PCDHGB3: variants seen among roughly 807,000 people sequenced by gnomAD.
PCDHGB3 encodes protocadherin gamma-B3.
A neutral mutation model predicts 59.2 loss-of-function variants in PCDHGB3; 40 were observed. The ratio of observed to expected loss-of-function variants is 0.68; its 90% CI spans 0.52 to 0.88. The LOEUF (loss-of-function observed/expected upper bound fraction) is 0.88. Among genes scored for constraint, PCDHGB3 ranks in the 40% least tolerant of loss-of-function variants. The probability of loss-of-function intolerance (pLI) is 0.00; values close to 1 mark genes in which losing one functional copy is unlikely to be tolerated. For synonymous variants in PCDHGB3, 581 were observed against 503.6 expected (o/e 1.15, Z -2.06); for missense variants, 1,309 against 1,187.9 (o/e 1.10, Z -1.50).
At chr5:141,379,890 T>TTTTTTTTTTTTTTTTTTTTTTG (rs1776022019) in intron 1 of PCDHGB3, among the ~76,000 whole-genome samples, 1 of 25,360 alleles carries the variant, frequency 3.9e-5, no homozygotes, top group Non-Finnish European at 6.4e-5. Context: ...TGAAAGCCTC[T>TTTTTTTTTTTTTTTTTTTTTTG]TTTTTTTTTT....
chr5:141,394,795 C>T (rs543209610), intron 1 of PCDHGB3: 1 of 1,613,676 alleles, frequency 6.2e-7, no homozygotes, highest in Non-Finnish European at 8.5e-7. Context: ...GTCACGCTCA[C>T]CGTAGCCGTG....
At chr5:141,465,241 G>C (rs2099099198) in intron 1 of PCDHGB3, among the ~76,000 whole-genome samples, 1 of 151,964 alleles carries the variant, frequency 6.6e-6, no homozygotes, top group South Asian at 2.1e-4. Flanking sequence ...CAAGTTCAAG[G>C]CACTTTTGTA....
intron 1 of PCDHGB3, chr5:141,422,001 C>T (rs2096616874): frequency 6.2e-7 from 1 of 1,609,114 alleles, no homozygotes; most frequent in Non-Finnish European, 8.5e-7. Context: ...ACATCAGCTC[C>T]GGAACTCGGG....
Position 141,456,380 on chromosome 5 carries a change from C to T in PCDHGB3, c.2416-38427C>T, listed in dbSNP as rs186993611. ...CCATGTGTGGTTCAGTTTACAGCAC[C>T]GTTTGGAGTTTGATTGCTTCTAGGC... is the stretch of plus-strand genomic sequence containing the variant. On this transcript the variant is annotated intron_variant, in intron 1 of 3. Coordinates refer to ENST00000576222, the MANE Select transcript of PCDHGB3 (RefSeq NM_018924.5). Among the ~76,000 whole-genome samples, 427 of 152,082 alleles carry T rather than the reference C, an allele frequency of 2.8e-3. 1 individual carries two copies. Among genetic ancestry groups the T allele is most frequent in the Non-Finnish European group, 2.7e-3 (184 of 68,004 alleles).
In PCDHGB3 at chr5:141,407,982, G is replaced by C. The variant is rs976187867; in HGVS notation, c.2415+35173G>C. On this transcript the variant is annotated intron_variant, in intron 1 of 3. Coordinates refer to ENST00000576222, the MANE Select transcript of PCDHGB3 (RefSeq NM_018924.5). Reference sequence around the variant, plus strand: ...GAGCAAGCGCTGACGCCGGGGATCCGTCAGCCTCTGGCCTGGGATTCCCTG... The same window carrying C: ...GAGCAAGCGCTGACGCCGGGGATCCCTCAGCCTCTGGCCTGGGATTCCCTG... 1.5e-4 allele frequency: 114 copies of C among 783,006 alleles called. 1 individual carries two copies. Among genetic ancestry groups the C allele is most frequent in the African/African-American group, 9.1e-4 (52 of 57,436 alleles). The allele number at this position is 783,006 out of a possible 1,614,324, so 48.5% of individuals were successfully genotyped here.
intron 1 of PCDHGB3, chr5:141,420,098 A>G: frequency 6.2e-7 from 1 of 1,614,034 alleles, no homozygotes; most frequent in African/African-American, 1.3e-5. Flanking sequence ...CAGTGAGGGA[A>G]CGTTGCCCTA....
intron 1 of PCDHGB3, chr5:141,441,477 C>T (rs529495102): frequency 1.2e-4 from 20 of 170,782 alleles, no homozygotes; most frequent in Middle Eastern, 5.7e-4. Context: ...ATGCCAACGA[C>T]AATGCTCTGG....
rs540188136 is a variant in PCDHGB3 at position 141,375,695 on chromosome 5, G to T, written c.2415+2886G>T. Reference sequence around the variant, plus strand: ...GCTGTGGGTGACAGCCAGCGACAGCGGGGACCCGCCTCTTAGCAGCAACGT... The same window carrying T: ...GCTGTGGGTGACAGCCAGCGACAGCTGGGACCCGCCTCTTAGCAGCAACGT... On this transcript the variant is annotated intron_variant, in intron 1 of 3. Coordinates refer to ENST00000576222, the MANE Select transcript of PCDHGB3 (RefSeq NM_018924.5). 1.5e-5 allele frequency: 25 copies of T among 1,614,250 alleles called. No individual in the cohort carries two copies. In the African/African-American group the frequency reaches 2.9e-4, roughly 19 times the overall value.
At position 141,371,124 on chromosome 5, in the gene PCDHGB3, C is replaced by G; in HGVS notation, c.730C>G (p.Gln244Glu). The change falls in exon 1 of 4, where the codon CAG (glutamine) becomes GAG (glutamate). Residue 244 changes from glutamine to glutamate, a missense_variant. By Grantham distance (29) the Gln-to-Glu change is conservative. Transcript: ENST00000576222. ...DANDNPPVFT[Q>E]DMYRVNVAEN... is the part of the protein sequence containing the mutation. ...AAATGATAACCCCCCAGTATTTACTCAGGACATGTACAGGGTCAATGTTGC... is the reference window on the plus strand; with the variant it reads ...AAATGATAACCCCCCAGTATTTACTGAGGACATGTACAGGGTCAATGTTGC... 6.2e-7 allele frequency: 1 copy of G among 1,613,998 alleles called. No individual in the cohort carries two copies. The highest frequency in any genetic ancestry group is 8.5e-7 in the Non-Finnish European group (1 of 1,179,886).
At chr5:141,422,729 C>G (rs1352451042) in intron 1 of PCDHGB3, 1 of 1,606,960 alleles carries the variant, frequency 6.2e-7, no homozygotes, top group South Asian at 1.1e-5. Flanking sequence ...CAGGGGGTGC[C>G]TCTGTCCTCC....
rs770354956 is a variant in PCDHGB3, at chr5:141,399,731, C to T, written c.2415+26922C>T. Reference sequence around the variant, plus strand: ...ACACTACAGGCCCGCGACCAGGGCTCGCCTGCGCTCAGCGCAAACGTGAGC... The same window carrying T: ...ACACTACAGGCCCGCGACCAGGGCTTGCCTGCGCTCAGCGCAAACGTGAGC... On this transcript the variant is annotated intron_variant, in intron 1 of 3. Transcript: ENST00000576222. 229 of 1,613,292 alleles carry T rather than the reference C, an allele frequency of 1.4e-4. No homozygotes were observed. The highest frequency in any genetic ancestry group is 1.8e-4 in the Non-Finnish European group (217 of 1,179,878).
At chr5:141,457,448 A>G (rs1296079061) in intron 1 of PCDHGB3, among the ~76,000 whole-genome samples, 2 of 152,196 alleles carry the variant, frequency 1.3e-5, no homozygotes, top group Non-Finnish European at 2.9e-5. Flanking sequence ...GCAGAAGATC[A>G]CCACTTGATT....
At chr5:141,458,459 A>G (rs1232004043) in intron 1 of PCDHGB3, among the ~76,000 whole-genome samples, 1 of 152,006 alleles carries the variant, frequency 6.6e-6, no homozygotes, top group African/African-American at 2.4e-5. Flanking sequence ...AATTTTTAAA[A>G]TACCGTACAA....
chr5:141,382,985 G>A (rs769787880), intron 1 of PCDHGB3: 50 of 1,613,304 alleles, frequency 3.1e-5, no homozygotes, highest in Non-Finnish European at 4.2e-5. Flanking sequence ...GCCTGGGCAG[G>A]ACGTATTCTC....
rs1342473418 is a variant in PCDHGB3, at chr5:141,477,702, A to G, written c.2416-17105A>G. On this transcript the variant is annotated intron_variant, in intron 1 of 3. Transcript: ENST00000576222. The surrounding 1 kb of genome is among the most constrained non-coding windows in gnomAD (Gnocchi z 4.9). Reference sequence around the variant, plus strand: ...TCCTTAGTGCCCCTAGACTATGAGGATCGGCGGGAATTTGAATTAACAGCT... The same window carrying G: ...TCCTTAGTGCCCCTAGACTATGAGGGTCGGCGGGAATTTGAATTAACAGCT... The G allele has an allele frequency of 1.9e-6, 3 of 1,613,924 alleles. No individual in the cohort carries two copies. Among genetic ancestry groups the G allele is most frequent in the Non-Finnish European group, 2.5e-6 (3 of 1,180,044 alleles).
At chr5:141,458,403 C>T (rs1057108239) in intron 1 of PCDHGB3, among the ~76,000 whole-genome samples, 6 of 152,136 alleles carry the variant, frequency 3.9e-5, no homozygotes, top group African/African-American at 1.2e-4. Context: ...CTTGCAGAGA[C>T]GGAGCGGGGG....
At chr5:141,470,173 A>G (rs527296791) in intron 1 of PCDHGB3, among the ~76,000 whole-genome samples, 1 of 152,342 alleles carries the variant, frequency 6.6e-6, no homozygotes, top group South Asian at 2.1e-4. Context: ...AAGTATGCAA[A>G]ATATTCAAGT....
intron 1 of PCDHGB3, chr5:141,393,894 C>T (rs201697840): frequency 6.2e-7 from 1 of 1,614,000 alleles, no homozygotes. Flanking sequence ...AGAAAATTCT[C>T]TTCCCGGGAC....
At chr5:141,374,332 C>T (rs759827582) in intron 1 of PCDHGB3, 3 of 1,613,984 alleles carry the variant, frequency 1.9e-6, no homozygotes, top group South Asian at 2.2e-5. Context: ...GAAACGGCAG[C>T]TTGGTCACCG....
Sources: allele counts gnomAD v4.1 joint callset (sites outside exome capture counted in the v4.1 genomes callset), GRCh38; gene constraint gnomAD v4.1.1; non-coding constraint Gnocchi (gnomAD v3.1); transcripts MANE v1.5; gene names NCBI Gene and HGNC (gene_info 2026-07-23, HGNC 2026-07-21).